The following ICA1 variants were observed in gnomAD, a reference collection of about 807,000 sequenced individuals.
The protein encoded by ICA1 is islet cell autoantigen 1.
A neutral mutation model predicts 71.0 loss-of-function variants in ICA1; 40 were observed. The observed-to-expected ratio is 0.56, with a 90% confidence interval of 0.44 to 0.73. ICA1 has a LOEUF of 0.73. Ranked by LOEUF, ICA1 falls within the 30% of genes least tolerant of loss-of-function variation. The pLI, the probability that ICA1 is intolerant of heterozygous loss-of-function variation, is 0.00. For synonymous variants in ICA1, 207 were observed against 209.5 expected, an observed-to-expected ratio of 0.99 and a Z score of 0.10; for missense variants, 578 against 576.5, an observed-to-expected ratio of 1.00 and a Z score of -0.03.
rs2128444310 is a variant in ICA1 at position 8,226,893 on chromosome 7, C to T, written c.256+1708G>A. Among the ~76,000 whole-genome samples the T allele has an allele frequency of 6.6e-6, 1 of 152,178 alleles. No homozygotes were observed. Among genetic ancestry groups the T allele is most frequent in the East Asian group, 1.9e-4 (1 of 5,180 alleles). On this transcript the variant is annotated intron_variant, in intron 4 of 13. Transcript: ENST00000402384. This position sits in a 1 kb window ranked among gnomAD's most constrained non-coding sequence, Gnocchi z 4.4. The stretch of plus-strand genomic sequence containing the variant: ...GAGGTGGTTTAGGGGGAAGTTTTTC[C>T]TCTATATTCTTTTAGAAACACTAAT...
rs1801395618 is a variant in ICA1 at position 8,234,987 on chromosome 7, A to T, written c.17+923T>A. Among the ~76,000 whole-genome samples, 1 of 152,020 alleles carries T rather than the reference A, an allele frequency of 6.6e-6. No homozygotes were observed. The highest frequency in any genetic ancestry group is 2.4e-5 in the African/African-American group (1 of 41,384). ...GAGACCATCCTGGCCAACATGGTGA[A>T]ACCCCGTCTGTACTAAAAATACAAA... On this transcript the variant is annotated intron_variant, in intron 2 of 13. Transcript: ENST00000402384. The surrounding 1 kb of genome is among the most constrained non-coding windows in gnomAD (Gnocchi z 4.5).
In ICA1 at chr7:8,222,982, T is replaced by G. The variant is rs1373097389; in HGVS notation, c.257-1584A>C. Among the ~76,000 whole-genome samples the G allele has an allele frequency of 1.3e-5, 2 of 152,244 alleles. No individual in the cohort carries two copies. The highest frequency in any genetic ancestry group is 2.9e-5 in the Non-Finnish European group (2 of 68,042). On this transcript the variant is annotated intron_variant, in intron 4 of 13. Coordinates refer to ENST00000402384, the MANE Select transcript of ICA1 (RefSeq NM_001136020.3). The surrounding 1 kb of genome is among the most constrained non-coding windows in gnomAD (Gnocchi z 4.8). Reference sequence around the variant, plus strand: ...ACGGTGCTAATTAAATGCTTGTGAATTGAATTGACTACAATTTTGCCTTGT... The same window carrying G: ...ACGGTGCTAATTAAATGCTTGTGAAGTGAATTGACTACAATTTTGCCTTGT...
chr7:8,195,848 T>C (rs1365013974), intron 6 of ICA1, among the ~76,000 whole-genome samples: 1 of 151,818 alleles, frequency 6.6e-6, no homozygotes, highest in African/African-American at 2.4e-5. Context: ...CATGGTGGTA[T>C]GTGCCTGTAG....
intron 13 of ICA1, among the ~76,000 whole-genome samples, chr7:8,119,076 G>A (rs1785779070): frequency 6.6e-6 from 1 of 152,198 alleles, no homozygotes; most frequent in Non-Finnish European, 1.5e-5. Context: ...TGCCTTTTGG[G>A]CCAGTGTGAG....
intron 8 of ICA1, among the ~76,000 whole-genome samples, chr7:8,150,343 TTTC>T (rs1305322494): frequency 6.6e-6 from 1 of 152,246 alleles, no homozygotes; most frequent in Non-Finnish European, 1.5e-5. Context: ...CAAAACTTGC[TTTC>T]TTATCAATGA....
rs187154914 is a variant in ICA1 at position 8,259,022 on chromosome 7, G to C, written c.-80+3072C>G. 7.0e-4 allele frequency among the ~76,000 whole-genome samples: 106 copies of C among 152,328 alleles called. 1 individual carries two copies. The highest frequency in any genetic ancestry group is 5.2e-3 in the South Asian group (25 of 4,826). The stretch of plus-strand genomic sequence containing the variant: ...TTTAGAGTAGTGTGCTGGACAGTCT[G>C]TGGGAGACCCTAGGGATCAGAGCTA... On this transcript the variant is annotated intron_variant, in intron 1 of 13. Coordinates refer to ENST00000402384, the MANE Select transcript of ICA1 (RefSeq NM_001136020.3).
At chr7:8,121,715 C>T (rs1009449221) in intron 13 of ICA1, among the ~76,000 whole-genome samples, 2 of 151,954 alleles carry the variant, frequency 1.3e-5, no homozygotes, top group Non-Finnish European at 2.9e-5. Flanking sequence ...CTGCAGTCAA[C>T]AATAATTTAC....
intron 6 of ICA1, among the ~76,000 whole-genome samples, chr7:8,183,785 T>C (rs1177638854): frequency 2.6e-5 from 4 of 152,214 alleles, no homozygotes; most frequent in Non-Finnish European, 1.5e-5. Flanking sequence ...GGAGGTCAAT[T>C]ATGCCTCTCT....
intron 6 of ICA1, among the ~76,000 whole-genome samples, chr7:8,164,478 C>T (rs1805149096): frequency 6.6e-6 from 1 of 152,070 alleles, no homozygotes; most frequent in African/African-American, 2.4e-5. Flanking sequence ...TGGAGGATGA[C>T]TCCTCTGTAC....
chr7:8,145,845 C>T (rs1796700919), intron 8 of ICA1, among the ~76,000 whole-genome samples: 2 of 149,946 alleles, frequency 1.3e-5, no homozygotes, highest in Admixed American at 6.6e-5. Context: ...TTAAAAAAGG[C>T]TTATTAGACT....
chr7:8,218,803 G>T, intron 5 of ICA1: 1 of 432,774 alleles, frequency 2.3e-6, no homozygotes. Context: ...ATTTGAAGCT[G>T]GGGCCAATCC....
chr7:8,195,999 A>C (rs1055723141), intron 6 of ICA1, among the ~76,000 whole-genome samples: 9 of 51,530 alleles, frequency 1.7e-4, no homozygotes, highest in Middle Eastern at 0.014. Flanking sequence ...AACAACAACA[A>C]CACCAACACC....
intron 2 of ICA1, 99 bp from the exon 3 acceptor site, chr7:8,232,854 T>C (rs1157021797): frequency 2.9e-6 from 3 of 1,021,008 alleles, no homozygotes; most frequent in Non-Finnish European, 4.1e-6. Flanking sequence ...CCATTATGCA[T>C]TTACATTTAC....
At chr7:8,131,245 T>A (rs986116311) in intron 12 of ICA1, among the ~76,000 whole-genome samples, 1 of 152,188 alleles carries the variant, frequency 6.6e-6, no homozygotes, top group Non-Finnish European at 1.5e-5. Flanking sequence ...AGCGCCTGGA[T>A]CCAGCCTTGC....
intron 6 of ICA1, among the ~76,000 whole-genome samples, chr7:8,158,861 C>T (rs907662428): frequency 6.6e-6 from 1 of 152,186 alleles, no homozygotes; most frequent in African/African-American, 2.4e-5. Context: ...TTATAGCACA[C>T]TTGTCATCCT....
chr7:8,182,966 C>T lies in ICA1; in HGVS notation c.580-24314G>A, dbSNP rs138050146. Among the ~76,000 whole-genome samples, 141 of 152,274 alleles carry T rather than the reference C, an allele frequency of 9.3e-4. 1 individual carries two copies. The East Asian group carries it at 0.024, about 26-fold the overall frequency. On this transcript the variant is annotated intron_variant, in intron 6 of 13. Transcript: ENST00000402384. ...CACAGCTTCCCAGTAAAAACATTAG[C>T]ATGTACAGGGGACATGCAATGACTA...
At chr7:8,129,639 T>A (rs892799086) in intron 12 of ICA1, among the ~76,000 whole-genome samples, 1 of 152,204 alleles carries the variant, frequency 6.6e-6, no homozygotes, top group Non-Finnish European at 1.5e-5. Flanking sequence ...CCTGTAGGTG[T>A]TGTGGGTGAG....
rs898423866 is a variant in ICA1 at position 8,132,883 on chromosome 7, T to C, written c.1061-4741A>G. On this transcript the variant is annotated intron_variant, in intron 12 of 13. Transcript: ENST00000402384. The surrounding 1 kb of genome is among the most constrained non-coding windows in gnomAD (Gnocchi z 4.5). ...CTGGGAGCCCTTCTGGGTTTGCCCA[T>C]TGGTGAAGCTGCTGGTGCTCCATAG... Among the ~76,000 whole-genome samples the C allele has an allele frequency of 1.3e-5, 2 of 152,242 alleles. No individual in the cohort carries two copies. Among genetic ancestry groups the C allele is most frequent in the African/African-American group, 2.4e-5 (1 of 41,464 alleles).
At chr7:8,230,565 T>A (rs1799967485) in intron 3 of ICA1, among the ~76,000 whole-genome samples, 1 of 152,236 alleles carries the variant, frequency 6.6e-6, no homozygotes, top group Admixed American at 6.5e-5. Context: ...ACAGCAGCTA[T>A]TTTGATTAAG....
Sources: gnomAD v4.1 joint callset for allele counts (sites outside exome capture counted in the v4.1 genomes callset) on GRCh38, gnomAD v4.1.1 for gene constraint, Gnocchi (gnomAD v3.1) non-coding constraint, MANE v1.5 for transcripts, NCBI Gene and HGNC (gene_info 2026-07-23, HGNC 2026-07-21) for gene names.